The following STK32B variants were observed in gnomAD, a reference collection of about 807,000 sequenced individuals.
STK32B encodes serine/threonine kinase 32B.
Under a neutral mutation model 52.6 loss-of-function variants are expected in STK32B, and 43 were observed. The observed-to-expected ratio is 0.82, with a 90% CI of 0.64 to 1.05. The LOEUF is 1.05. STK32B is among the 50% of genes least tolerant of loss of function. The probability of loss-of-function intolerance (pLI) is 0.00; values close to 1 mark genes in which losing one functional copy is unlikely to be tolerated. For missense variants in STK32B, 621 were observed against 534.6 expected, an observed-to-expected ratio of 1.16 and a Z score of -1.59; for synonymous variants, 238 against 204.3, an observed-to-expected ratio of 1.17 and a Z score of -1.41.
chr4:5,042,482 C>T, the STK32B span, among the ~76,000 whole-genome samples: 9 of 152,196 alleles, frequency 5.9e-5, no homozygotes, highest in Non-Finnish European at 1.2e-4. Context: ...GACTGGATGA[C>T]ACTTAACATA....
In STK32B at chr4:5,398,509, G is replaced by T. The variant is rs949338020; in HGVS notation, c.472+265G>T. ...CCCGTGTGAGGAGGACAGGGCCGCCGTGAGGATGAGCCCGGGGTTCCAACC... is the reference window on the plus strand; with the variant it reads ...CCCGTGTGAGGAGGACAGGGCCGCCTTGAGGATGAGCCCGGGGTTCCAACC... On this transcript the variant is annotated intron_variant, in intron 5 of 11. Transcript: ENST00000282908. This position sits in a 1 kb window ranked among gnomAD's most constrained non-coding sequence, Gnocchi z 4.9. Among the ~76,000 whole-genome samples the T allele has an allele frequency of 6.6e-6, 1 of 152,262 alleles. No individual in the cohort carries two copies. The highest frequency in any genetic ancestry group is 1.9e-4 in the East Asian group (1 of 5,166).
intron 11 of STK32B, among the ~76,000 whole-genome samples, chr4:5,488,389 A>G (rs1023235526): frequency 2.0e-5 from 3 of 152,200 alleles, no homozygotes; most frequent in African/African-American, 7.2e-5. Flanking sequence ...ACATCCTGCA[A>G]TTTTATTAAG....
At chr4:5,319,062 C>G (rs1731310194) in intron 3 of STK32B, among the ~76,000 whole-genome samples, 1 of 152,112 alleles carries the variant, frequency 6.6e-6, no homozygotes, top group East Asian at 1.9e-4. Context: ...CCTTGGCCTC[C>G]CAAAGTGCTG....
At chr4:5,446,947 C>T (rs1302885414) in intron 7 of STK32B, 171 bp downstream of exon 7, 1 of 598,964 alleles carries the variant, frequency 1.7e-6, no homozygotes, top group Non-Finnish European at 3.0e-6. Context: ...ACGCCCTGAA[C>T]TTCTGGTCCA....
intron 11 of STK32B, among the ~76,000 whole-genome samples, chr4:5,485,296 C>T (rs1719060557): frequency 1.3e-5 from 2 of 152,096 alleles, no homozygotes; most frequent in South Asian, 4.1e-4. Flanking sequence ...TCTTTTTATT[C>T]TTTTTTCTCT....
chr4:5,219,894 C>CG (rs1431268294), intron 3 of STK32B, among the ~76,000 whole-genome samples: 1 of 152,018 alleles, frequency 6.6e-6, no homozygotes, highest in African/African-American at 2.4e-5. Context: ...TGGTAGGGAG[C>CG]GGACCCTCTG....
intron 4 of STK32B, among the ~76,000 whole-genome samples, chr4:5,376,697 A>G (rs1252467743): frequency 6.6e-6 from 1 of 152,098 alleles, no homozygotes; most frequent in Non-Finnish European, 1.5e-5. Flanking sequence ...ATTAAGCCCC[A>G]TTTCAGGTCG....
intron 1 of STK32B, among the ~76,000 whole-genome samples, chr4:5,123,238 T>C (rs1434113169): frequency 6.6e-6 from 1 of 152,126 alleles, no homozygotes; most frequent in African/African-American, 2.4e-5. Context: ...GTCTTGCTGG[T>C]CAGTTTCCCA....
intron 3 of STK32B, among the ~76,000 whole-genome samples, chr4:5,312,402 G>A (rs1293089703): frequency 6.6e-6 from 1 of 150,982 alleles, no homozygotes; most frequent in Non-Finnish European, 1.5e-5. Flanking sequence ...TCGTCATTTA[G>A]CATTAGGTAT....
intron 6 of STK32B, among the ~76,000 whole-genome samples, chr4:5,445,706 C>T (rs986907817): frequency 2.0e-5 from 3 of 152,148 alleles, no homozygotes; most frequent in Admixed American, 6.5e-5. Context: ...GTGAACAATT[C>T]AGTAGCATTC....
intron 3 of STK32B, among the ~76,000 whole-genome samples, chr4:5,296,383 T>C (rs1270484457): frequency 6.6e-6 from 1 of 152,182 alleles, no homozygotes; most frequent in Non-Finnish European, 1.5e-5. Context: ...TCCACTGTTA[T>C]TGTGTGGGAG....
chr4:5,386,824 AC>A lies in STK32B; in HGVS notation c.435-11382del, dbSNP rs561294904. 6.3e-4 allele frequency among the ~76,000 whole-genome samples: 96 copies of A among 152,326 alleles called. 1 individual carries two copies. Among genetic ancestry groups the A allele is most frequent in the South Asian group, 1.7e-3 (8 of 4,816 alleles). On this transcript the variant is annotated intron_variant, in intron 4 of 11. Transcript: ENST00000282908. This position sits in a 1 kb window ranked among gnomAD's most constrained non-coding sequence, Gnocchi z 4.5. ...CAACTCTCGGATTCCAATAGAAGTC[AC>A]GTGGATAGAGTCGGATTCAGCCTTG...
intron 3 of STK32B, among the ~76,000 whole-genome samples, chr4:5,252,633 T>C (rs1726023159): frequency 6.6e-6 from 1 of 152,212 alleles, no homozygotes; most frequent in South Asian, 2.1e-4. Flanking sequence ...TAGGCTGTCA[T>C]TGTCACTTAT....
chr4:5,246,124 T>C (rs1409952834), intron 3 of STK32B, among the ~76,000 whole-genome samples: 8 of 152,218 alleles, frequency 5.3e-5, no homozygotes, highest in African/African-American at 1.7e-4. Context: ...TGGCCTGCCT[T>C]GCTAGATTGG....
intron 3 of STK32B, among the ~76,000 whole-genome samples, chr4:5,313,119 C>T (rs1431232027): frequency 6.1e-5 from 9 of 146,562 alleles, no homozygotes; most frequent in African/African-American, 2.3e-4. Context: ...TTTTAAAAAC[C>T]ACAATTACTT....
intron 4 of STK32B, among the ~76,000 whole-genome samples, chr4:5,391,739 C>T (rs1399540475): frequency 6.6e-6 from 1 of 152,214 alleles, no homozygotes; most frequent in Non-Finnish European, 1.5e-5. Context: ...CACTTGACCA[C>T]GAATGGGCCT....
intron 3 of STK32B, among the ~76,000 whole-genome samples, chr4:5,184,204 T>C (rs948133865): frequency 2.2e-4 from 33 of 152,174 alleles, no homozygotes; most frequent in African/African-American, 7.7e-4. Context: ...GACATAGGAA[T>C]CTTCCTTTCA....
chr4:5,097,034 G>T (rs904421506), intron 1 of STK32B, among the ~76,000 whole-genome samples: 1 of 152,158 alleles, frequency 6.6e-6, no homozygotes, highest in Non-Finnish European at 1.5e-5. Context: ...CTCACAAGAG[G>T]CAGAGGTAGG....
rs5855838 is a variant in STK32B at position 5,099,457 on chromosome 4, C to CGCGCACACGT, written c.53-40445_53-40444insCACACGTGCG. On this transcript the variant is annotated intron_variant, in intron 1 of 11. Transcript: ENST00000282908. The stretch of plus-strand genomic sequence containing the variant: ...CTGTGTGTGTGTGTGTGTGCGCGCG[C>CGCGCACACGT]GCGTATGTGATGTGTTCACAACTAA... Among the ~76,000 whole-genome samples, 8 of 146,270 alleles carry CGCGCACACGT rather than the reference C, an allele frequency of 5.5e-5. No homozygotes were observed. The South Asian group carries it at 8.4e-4, about 15-fold the overall frequency.
Sources: allele counts gnomAD v4.1 joint callset (sites outside exome capture counted in the v4.1 genomes callset), GRCh38; gene constraint gnomAD v4.1.1; non-coding constraint Gnocchi (gnomAD v3.1); transcripts MANE v1.5; gene names NCBI Gene and HGNC (gene_info 2026-07-23, HGNC 2026-07-21).